Variants in UBASH3A observed in about 807,000 individuals in gnomAD.
The protein encoded by UBASH3A is ubiquitin associated and SH3 domain containing A, also known as ubiquitin-associated and SH3 domain-containing protein A.
In UBASH3A, 63 loss-of-function variants were observed where a neutral mutation model predicts 73.5. The ratio of observed to expected loss-of-function variants is 0.86; its 90% confidence interval spans 0.70 to 1.06. The LOEUF is 1.06. Among genes scored for constraint, UBASH3A ranks in the 50% least tolerant of loss-of-function variants. UBASH3A has a pLI of 0.00. For missense variants in UBASH3A, 860 were observed against 859.0 expected, an observed-to-expected ratio of 1.00 and a Z score of -0.02; for synonymous variants, 363 against 351.1, an observed-to-expected ratio of 1.03 and a Z score of -0.38.
chr21:42,410,332 C>T (rs555180370), intron 3 of UBASH3A: 25 of 595,268 alleles, frequency 4.2e-5, no homozygotes, highest in East Asian at 3.6e-4. Context: ...TCTGCTACCG[C>T]GGCCTGGCCC....
chr21:42,446,138 C>T (rs2053840336), intron 14 of UBASH3A, among the ~76,000 whole-genome samples: 1 of 152,218 alleles, frequency 6.6e-6, no homozygotes, highest in African/African-American at 2.4e-5. Flanking sequence ...GTGGCCAAAG[C>T]TCCACCCACT....
intron 11 of UBASH3A, among the ~76,000 whole-genome samples, chr21:42,439,557 C>T (rs897758606): frequency 6.6e-5 from 10 of 152,104 alleles, no homozygotes; most frequent in African/African-American, 2.4e-4. Context: ...GCAGTGTAGC[C>T]GGAGGCCAGA....
intron 11 of UBASH3A, among the ~76,000 whole-genome samples, chr21:42,437,928 G>T (rs774847167): frequency 6.6e-6 from 1 of 152,240 alleles, no homozygotes; most frequent in Non-Finnish European, 1.5e-5. Flanking sequence ...ACGGTTCCTT[G>T]TAAGTCTGAA....
chr21:42,442,991 G>T (rs1445599354), intron 12 of UBASH3A, among the ~76,000 whole-genome samples: 1 of 152,172 alleles, frequency 6.6e-6, no homozygotes, highest in Non-Finnish European at 1.5e-5. Context: ...GAAGCCCAAG[G>T]GTCAAGACCT....
At chr21:42,438,975 C>A (rs560618462) in intron 11 of UBASH3A, among the ~76,000 whole-genome samples, 1 of 152,102 alleles carries the variant, frequency 6.6e-6, no homozygotes, top group Non-Finnish European at 1.5e-5. Flanking sequence ...GGGGCCGGGA[C>A]CTTCACAGGA....
In UBASH3A at chr21:42,434,966, G is replaced by T; in HGVS notation, c.1393+12G>T. ...GTCCAGAATTGCAGGTATGTTTGAG[G>T]ACTGTCTAGTAGGAAAGGTAACAAT... On this transcript the variant is annotated intron_variant, in intron 10 of 14. Coordinates refer to ENST00000319294, the MANE Select transcript of UBASH3A (RefSeq NM_018961.4). 1.2e-6 allele frequency: 2 copies of T among 1,613,740 alleles called. No individual in the cohort carries two copies. Among genetic ancestry groups the T allele is most frequent in the South Asian group, 1.1e-5 (1 of 90,986 alleles).
intron 7 of UBASH3A, among the ~76,000 whole-genome samples, chr21:42,419,328 C>T (rs1234330505): frequency 6.6e-6 from 1 of 152,184 alleles, no homozygotes; most frequent in Non-Finnish European, 1.5e-5. Flanking sequence ...GTTCTTCCCT[C>T]AATTTATCTC....
chr21:42,414,935 C>G (rs916648481), intron 5 of UBASH3A, among the ~76,000 whole-genome samples: 26 of 152,348 alleles, frequency 1.7e-4, no homozygotes, highest in African/African-American at 6.0e-4. Context: ...AGCCCCACTT[C>G]CTGTGGGAGC....
chr21:42,422,396 TACTA>T (rs1033393343), intron 7 of UBASH3A, among the ~76,000 whole-genome samples: 8 of 152,232 alleles, frequency 5.3e-5, no homozygotes, highest in African/African-American at 1.9e-4. Flanking sequence ...GCATTTCCCT[TACTA>T]ACTGATTTAC....
At chr21:42,432,696 G>A (rs1363360627) in intron 9 of UBASH3A, among the ~76,000 whole-genome samples, 1 of 152,174 alleles carries the variant, frequency 6.6e-6, no homozygotes, top group Non-Finnish European at 1.5e-5. Flanking sequence ...ATTCACAGTT[G>A]CTAGGTTAGC....
intron 10 of UBASH3A, chr21:42,435,246 G>A: frequency 4.5e-6 from 1 of 221,792 alleles, no homozygotes; most frequent in Non-Finnish European, 8.8e-6. Context: ...CAACAACCAA[G>A]GAGCTCCAAG....
chr21:42,435,807 A>G (rs2053615712), intron 10 of UBASH3A, among the ~76,000 whole-genome samples: 2 of 151,994 alleles, frequency 1.3e-5, no homozygotes, highest in Non-Finnish European at 2.9e-5. Flanking sequence ...AGAGTTATAG[A>G]GTTAGTTATA....
Position 42,432,209 on chromosome 21 carries a change from CA to C in UBASH3A, c.1270+8del. On this transcript the variant is annotated splice_region_variant and intron_variant, in intron 9 of 14. Transcript: ENST00000319294. Reference sequence around the variant, plus strand: ...CAATGCTCCACTCCTGATGGTAGGTCACACTCAGGCGGGTCTACGGACAGAA... The same window carrying C: ...CAATGCTCCACTCCTGATGGTAGGTCCACTCAGGCGGGTCTACGGACAGAA... The C allele has an allele frequency of 1.3e-6, 2 of 1,593,224 alleles. No homozygotes were observed. Among genetic ancestry groups the C allele is most frequent in the Non-Finnish European group, 1.7e-6 (2 of 1,161,956 alleles).
At chr21:42,445,825 C>T (rs1231759010) in intron 14 of UBASH3A, among the ~76,000 whole-genome samples, 4 of 152,194 alleles carry the variant, frequency 2.6e-5, no homozygotes, top group Non-Finnish European at 5.9e-5. Context: ...ACCAGGTGAG[C>T]ATTGTCCAAA....
chr21:42,430,594 C>T (rs1202183836), intron 8 of UBASH3A, among the ~76,000 whole-genome samples: 2 of 152,184 alleles, frequency 1.3e-5, no homozygotes, highest in Non-Finnish European at 2.9e-5. Context: ...CATCCCTGGT[C>T]GCCTGGGCTC....
intron 3 of UBASH3A, among the ~76,000 whole-genome samples, chr21:42,411,968 T>A (rs2053107407): frequency 6.6e-6 from 1 of 152,212 alleles, no homozygotes; most frequent in African/African-American, 2.4e-5. Context: ...GGAAGCTGCA[T>A]TAAACACTGT....
intron 3 of UBASH3A, chr21:42,410,416 TTCC>T: frequency 1.9e-6 from 1 of 533,054 alleles, no homozygotes; most frequent in Admixed American, 3.3e-5. Flanking sequence ...GAACCCTCCA[TTCC>T]AACACCAGGC....
intron 7 of UBASH3A, among the ~76,000 whole-genome samples, chr21:42,424,084 A>G (rs1194745562): frequency 6.6e-6 from 1 of 152,182 alleles, no homozygotes; most frequent in Non-Finnish European, 1.5e-5. Flanking sequence ...ATGGGGTCAG[A>G]CAGCAATGTC....
At chr21:42,419,082 G>C (rs1247495034) in intron 7 of UBASH3A, among the ~76,000 whole-genome samples, 3 of 152,114 alleles carry the variant, frequency 2.0e-5, no homozygotes, top group Non-Finnish European at 2.9e-5. Flanking sequence ...TCCTCAGCTC[G>C]GGGTCTCAAG....
Sources: allele counts gnomAD v4.1 joint callset (sites outside exome capture counted in the v4.1 genomes callset), GRCh38; gene constraint gnomAD v4.1.1; transcripts MANE v1.5; gene names NCBI Gene and HGNC (gene_info 2026-07-23, HGNC 2026-07-21).